The following TTC28 variants were observed in gnomAD, a reference collection of about 807,000 sequenced individuals.
The protein encoded by TTC28 is tetratricopeptide repeat protein 28.
A neutral mutation model predicts 198.0 loss-of-function variants in TTC28; 61 were observed. The observed-to-expected ratio is 0.31, with a 90% confidence interval of 0.25 to 0.38. The LOEUF is 0.38. Ranked by LOEUF, TTC28 falls within the 10% of genes least tolerant of loss-of-function variation. The pLI, the probability that TTC28 is intolerant of heterozygous loss-of-function variation, is 1.00. For synonymous variants in TTC28, 1,171 were observed against 1,297.8 expected (o/e 0.90, Z 2.10); for missense variants, 2,678 against 3,164.0 (o/e 0.85, Z 3.69).
At chr22:28,081,150 CAT>C (rs1276795266) in intron 12 of TTC28, among the ~76,000 whole-genome samples, 9 of 30,652 alleles carry the variant, frequency 2.9e-4, no homozygotes, top group East Asian at 2.6e-3. Context: ...TATGGACATA[CAT>C]ACACACACAC....
chr22:28,123,162 G>GT (rs1942830063), intron 6 of TTC28, among the ~76,000 whole-genome samples: 1 of 152,104 alleles, frequency 6.6e-6, no homozygotes, highest in African/African-American at 2.4e-5. Context: ...TTCAAGCCCA[G>GT]TATCAATGCT....
chr22:28,659,162 A>G (rs2051704261), intron 1 of TTC28, among the ~76,000 whole-genome samples: 2 of 152,244 alleles, frequency 1.3e-5, no homozygotes, highest in South Asian at 2.1e-4. Flanking sequence ...GTGAGAAATA[A>G]ATGTTTGTTG....
chr22:28,377,853 G>A (rs944527280), intron 2 of TTC28, among the ~76,000 whole-genome samples: 25 of 151,954 alleles, frequency 1.6e-4, no homozygotes, highest in Non-Finnish European at 3.5e-4. Flanking sequence ...ATAAAGAGGA[G>A]AATAATAAAC....
At position 28,227,704 on chromosome 22, in the gene TTC28, GA is replaced by G. The variant is rs886652161; in HGVS notation, c.934-64106del. On this transcript the variant is annotated intron_variant, in intron 5 of 22. Transcript: ENST00000397906. ...CTCATTAGGATGTTATTACAGATTT[GA>G]AAAAAAAAAAACAAGTGTTAGCAAG... Among the ~76,000 whole-genome samples, 324 of 139,108 alleles carry G rather than the reference GA, an allele frequency of 2.3e-3. 1 individual carries two copies. The highest frequency in any genetic ancestry group is 7.8e-3 in the African/African-American group (297 of 38,150). The allele number at this position is 139,108 out of a possible 152,430, so 91.3% of individuals were successfully genotyped here. A position where few individuals can be genotyped will look rare whatever the true frequency, so the allele number is the denominator to read the frequency against.
Position 28,099,096 on chromosome 22 carries a change from C to A in TTC28, c.3418-52G>T, listed in dbSNP as rs1006173994. The A allele has an allele frequency of 9.7e-6, 15 of 1,547,256 alleles. No individual in the cohort carries two copies. In the African/African-American group the frequency reaches 1.9e-4, roughly 20 times the overall value. ...CCATTCCCCAGAAACCAATGTCCAG[C>A]TGTTTACAGACTAGAGACAACTTTT... On this transcript the variant is annotated intron_variant, in intron 9 of 22. Coordinates refer to ENST00000397906, the MANE Select transcript of TTC28 (RefSeq NM_001145418.2).
intron 2 of TTC28, among the ~76,000 whole-genome samples, chr22:28,583,215 A>G (rs1321823774): frequency 6.6e-6 from 1 of 152,208 alleles, no homozygotes; most frequent in Non-Finnish European, 1.5e-5. Context: ...TAAAAAAATG[A>G]GGACATCATA....
At chr22:28,065,486 C>A (rs1212873805) in intron 12 of TTC28, among the ~76,000 whole-genome samples, 2 of 152,116 alleles carry the variant, frequency 1.3e-5, no homozygotes, top group Non-Finnish European at 2.9e-5. Context: ...AAGAGTTAGG[C>A]ATGCTAACTG....
At chr22:28,448,688 G>T (rs1345716307) in intron 2 of TTC28, among the ~76,000 whole-genome samples, 2 of 152,124 alleles carry the variant, frequency 1.3e-5, no homozygotes, top group Non-Finnish European at 2.9e-5. Context: ...CACTTTGCTA[G>T]AAAAGAAATT....
intron 2 of TTC28, among the ~76,000 whole-genome samples, chr22:28,579,922 A>T (rs1043840677): frequency 1.3e-5 from 2 of 152,240 alleles, no homozygotes; most frequent in East Asian, 3.9e-4. Context: ...GTGAGCCAAG[A>T]TCGCGCCACT....
rs768971011 is a variant in TTC28 at position 28,094,147 on chromosome 22, C to T, written c.3865G>A (p.Gly1289Ser). 360 of 1,551,500 alleles carry T rather than the reference C, an allele frequency of 2.3e-4. No homozygotes were observed. The highest frequency in any genetic ancestry group is 2.9e-4 in the Non-Finnish European group (330 of 1,146,946). Residue 1289 changes from glycine to serine, a missense_variant, in exon 12 of 23, where the codon GGC (glycine) becomes AGC (serine). Physicochemically the swap from Gly to Ser is moderately conservative, Grantham distance 56. This residue lies in a region of TTC28 where 727 missense variants were observed against 861.9 expected (regional missense o/e 0.84). Coordinates refer to ENST00000397906, the MANE Select transcript of TTC28 (RefSeq NM_001145418.2). Reference sequence around the variant, plus strand: ...GCAATGTGCTGCTCCAGGGCTGAGCCGGTTGCTGTTGGAAGGGTTACACTG... The same window carrying T: ...GCAATGTGCTGCTCCAGGGCTGAGCTGGTTGCTGTTGGAAGGGTTACACTG... ...SSSVTLPTATGSALEQHIASV... is the reference protein window; with the variant it reads ...SSSVTLPTATSSALEQHIASV...
rs1569072118 is a variant in TTC28 at position 27,993,391 on chromosome 22, C to CG, written c.5371dup (p.Arg1791ProfsTer64). On this transcript the variant is annotated frameshift_variant, in exon 18 of 23. Transcript: ENST00000397906. LOFTEE classifies it high-confidence loss of function. ...CAGGCCACTGGTTGGGGGGTCCAGCCGGAAGCCCACAGCGGTGAGGAGGGC... is the reference window on the plus strand; with the variant it reads ...CAGGCCACTGGTTGGGGGGTCCAGCCGGGAAGCCCACAGCGGTGAGGAGGGC... 1 of 1,551,254 alleles carries CG rather than the reference C, an allele frequency of 6.4e-7. No homozygotes were observed.
At chr22:28,289,797 G>A (rs930661090) in intron 5 of TTC28, among the ~76,000 whole-genome samples, 13 of 152,162 alleles carry the variant, frequency 8.5e-5, no homozygotes, top group African/African-American at 2.9e-4. Flanking sequence ...AGGCCAAGGC[G>A]GGTGGATCAC....
chr22:27,986,160 G>A (rs945858442), intron 21 of TTC28: 2 of 152,200 alleles, frequency 1.3e-5, no homozygotes, highest in African/African-American at 2.4e-5. Context: ...CCTGGATGTC[G>A]AGGGAGGGAC....
intron 12 of TTC28, among the ~76,000 whole-genome samples, chr22:28,082,220 C>A: frequency 6.6e-6 from 1 of 152,128 alleles, no homozygotes; most frequent in Admixed American, 6.6e-5. Context: ...TTCACTCTTC[C>A]CTTTTCAATT....
At chr22:28,256,643 T>C (rs1157166919) in intron 5 of TTC28, among the ~76,000 whole-genome samples, 1 of 152,142 alleles carries the variant, frequency 6.6e-6, no homozygotes, top group African/African-American at 2.4e-5. Flanking sequence ...AGAACAAGGC[T>C]GGAGATATCA....
At chr22:28,245,386 ACT>A (rs1034189878) in intron 5 of TTC28, among the ~76,000 whole-genome samples, 3 of 152,136 alleles carry the variant, frequency 2.0e-5, no homozygotes, top group African/African-American at 7.2e-5. Context: ...CATGGTAATG[ACT>A]CTATTTCATC....
At chr22:28,549,152 C>T (rs576303977) in intron 2 of TTC28, among the ~76,000 whole-genome samples, 2 of 152,018 alleles carry the variant, frequency 1.3e-5, no homozygotes, top group Non-Finnish European at 2.9e-5. Context: ...CCCAGCCTCC[C>T]GAGTAGCTGG....
chr22:28,442,486 A>G (rs2047640613), intron 2 of TTC28, among the ~76,000 whole-genome samples: 1 of 152,252 alleles, frequency 6.6e-6, no homozygotes, highest in Non-Finnish European at 1.5e-5. Flanking sequence ...AATAGGTGTT[A>G]TAACACCACC....
chr22:28,386,675 G>A (rs562307172), intron 2 of TTC28, among the ~76,000 whole-genome samples: 1 of 152,266 alleles, frequency 6.6e-6, no homozygotes, highest in South Asian at 2.1e-4. Flanking sequence ...GAGAAAGGAA[G>A]TAAAAGGGAG....
Sources: gnomAD v4.1 joint callset for allele counts (sites outside exome capture counted in the v4.1 genomes callset) on GRCh38, gnomAD v4.1.1 for gene constraint, gnomAD v4.1.1 regional missense constraint, MANE v1.5 for transcripts, NCBI Gene and HGNC (gene_info 2026-07-23, HGNC 2026-07-21) for gene names.